The following TXNRD1 variants were observed in gnomAD, a reference collection of about 807,000 sequenced individuals.
TXNRD1 encodes thioredoxin reductase 1, cytoplasmic.
A neutral mutation model predicts 80.3 loss-of-function variants in TXNRD1; 57 were observed. That is an observed-to-expected ratio of 0.71 (90% CI 0.57 to 0.89). The LOEUF is 0.89. Among genes scored for constraint, TXNRD1 ranks in the 40% least tolerant of loss-of-function variants. TXNRD1 has a pLI of 0.00. For missense variants in TXNRD1, 730 were observed against 803.0 expected, an observed-to-expected ratio of 0.91 and a Z score of 1.10; for synonymous variants, 291 against 285.2, an observed-to-expected ratio of 1.02 and a Z score of -0.20.
intron 3 of TXNRD1, chr12:104,265,958 A>T: frequency 1.7e-6 from 1 of 573,228 alleles, no homozygotes; most frequent in Non-Finnish European, 2.9e-6. Context: ...AAAATCTTAA[A>T]AAAAAAAAAA....
intron 1 of TXNRD1, among the ~76,000 whole-genome samples, chr12:104,242,287 C>T (rs1452385388): frequency 1.3e-5 from 2 of 151,432 alleles, no homozygotes; most frequent in Admixed American, 6.6e-5. Flanking sequence ...CGGCGGCTCA[C>T]GCCTGTAATC....
At chr12:104,246,526 GTTTT>G (rs66611871) in intron 1 of TXNRD1, among the ~76,000 whole-genome samples, 1 of 133,088 alleles carries the variant, frequency 7.5e-6, no homozygotes, top group Non-Finnish European at 1.6e-5. Flanking sequence ...CTTTGTGATG[GTTTT>G]TTTTTTTTTT....
At chr12:104,257,877 T>C in intron 2 of TXNRD1, 142 bp from the exon 3 acceptor site, 1 of 646,522 alleles carries the variant, frequency 1.5e-6, no homozygotes, top group Admixed American at 3.2e-5. Flanking sequence ...GGGAGAATCT[T>C]ATGGGTTACA....
intron 4 of TXNRD1, among the ~76,000 whole-genome samples, chr12:104,301,849 C>G (rs2034638390): frequency 6.6e-6 from 1 of 152,156 alleles, no homozygotes; most frequent in Non-Finnish European, 1.5e-5. Flanking sequence ...TTTCATTTTT[C>G]CTTTATTTTA....
chr12:104,307,073 T>C (rs1268157665), intron 4 of TXNRD1, among the ~76,000 whole-genome samples: 1 of 152,186 alleles, frequency 6.6e-6, no homozygotes, highest in Non-Finnish European at 1.5e-5. Context: ...CACTTCTGTT[T>C]CTATTTTTAC....
chr12:104,317,314 C>T (rs1448974587), intron 7 of TXNRD1, among the ~76,000 whole-genome samples: 1 of 151,496 alleles, frequency 6.6e-6, no homozygotes, highest in Non-Finnish European at 1.5e-5. Flanking sequence ...CTTCCCTACC[C>T]ACAAGCTACC....
intron 3 of TXNRD1, chr12:104,285,875 T>A (rs983808774): frequency 2.6e-5 from 4 of 152,232 alleles, no homozygotes; most frequent in African/African-American, 7.2e-5. Context: ...ATCCATTCTC[T>A]GTTCTAGGGA....
At chr12:104,303,635 T>A in intron 4 of TXNRD1, 1 of 394,002 alleles carries the variant, frequency 2.5e-6, no homozygotes, top group South Asian at 3.8e-5. Flanking sequence ...CGCGCTGGTC[T>A]ATGAGCGAGC....
intron 4 of TXNRD1, chr12:104,310,009 C>T (rs1348602276): frequency 1.3e-6 from 2 of 1,536,246 alleles, no homozygotes; most frequent in East Asian, 2.4e-5. Flanking sequence ...CTTCCACATC[C>T]CAAGAACCTT....
chr12:104,332,047 A>C (rs1405365440), intron 14 of TXNRD1, among the ~76,000 whole-genome samples: 1 of 152,136 alleles, frequency 6.6e-6, no homozygotes, highest in Non-Finnish European at 1.5e-5. Context: ...TACTTTTTAA[A>C]ATCACATTTA....
At chr12:104,290,655 C>A (rs984685392) in intron 4 of TXNRD1, among the ~76,000 whole-genome samples, 5 of 141,874 alleles carry the variant, frequency 3.5e-5, no homozygotes, top group Non-Finnish European at 6.1e-5. Flanking sequence ...GCTGAGATTG[C>A]GCCACTGCAC....
Position 104,349,111 on chromosome 12 carries a change from AG to A in TXNRD1, c.*692del, listed in dbSNP as rs1330912738. On this transcript the variant is annotated 3_prime_UTR_variant, in exon 17 of 17. Coordinates refer to ENST00000525566, the MANE Select transcript of TXNRD1 (RefSeq NM_001093771.3). Reference sequence around the variant, plus strand: ...ATGATTATTATTTTAAGGTCTGTTTAGGAAGGGAAATGGCTACTTGGCCAGC... The same window carrying A: ...ATGATTATTATTTTAAGGTCTGTTTAGAAGGGAAATGGCTACTTGGCCAGC... 6.6e-6 allele frequency: 1 copy of A among 152,256 alleles called. No homozygotes were observed. The highest frequency in any genetic ancestry group is 2.4e-5 in the African/African-American group (1 of 41,452). 9.4% of individuals were successfully genotyped at this position (152,256 alleles called of 1,614,324 possible).
intron 1 of TXNRD1, among the ~76,000 whole-genome samples, chr12:104,228,301 C>CAA (rs11349965): frequency 0.031 from 3,651 of 116,282 alleles, 77 homozygotes; most frequent in Non-Finnish European, 0.044. Flanking sequence ...AACTCCATCT[C>CAA]AAAAAAAAAA....
intron 4 of TXNRD1, among the ~76,000 whole-genome samples, chr12:104,297,620 C>T (rs1024350792): frequency 1.3e-5 from 2 of 152,092 alleles, no homozygotes; most frequent in African/African-American, 4.8e-5. Flanking sequence ...CTGCGTCAGC[C>T]TCCAAAAGTG....
At chr12:104,315,114 T>C (rs536111555) in intron 6 of TXNRD1, among the ~76,000 whole-genome samples, 1 of 152,314 alleles carries the variant, frequency 6.6e-6, no homozygotes, top group African/African-American at 2.4e-5. Context: ...GCAACCCCTT[T>C]ATCAGTTACC....
intron 16 of TXNRD1, chr12:104,346,214 T>C (rs1273229912): frequency 4.1e-6 from 1 of 246,136 alleles, no homozygotes; most frequent in Non-Finnish European, 8.3e-6. Flanking sequence ...GGTCGCATTA[T>C]GTTGCCCAGG....
chr12:104,271,176 GTTCT>G (rs1230019655), intron 3 of TXNRD1, among the ~76,000 whole-genome samples: 2 of 134,038 alleles, frequency 1.5e-5, no homozygotes, highest in Non-Finnish European at 1.5e-5. Flanking sequence ...ATTATCATTA[GTTCT>G]TTCTTTTTTT....
chr12:104,323,947 G>A (rs2035658914), intron 10 of TXNRD1, among the ~76,000 whole-genome samples: 1 of 152,188 alleles, frequency 6.6e-6, no homozygotes, highest in South Asian at 2.1e-4. Flanking sequence ...CCACAGCTGG[G>A]TATTAAACTC....
chr12:104,268,991 G>C (rs1408994221), intron 3 of TXNRD1, among the ~76,000 whole-genome samples: 1 of 142,352 alleles, frequency 7.0e-6, no homozygotes, highest in Non-Finnish European at 1.5e-5. Flanking sequence ...TGCAACCTCT[G>C]CCTCTCGGGT....
Sources: allele counts gnomAD v4.1 joint callset (sites outside exome capture counted in the v4.1 genomes callset), GRCh38; gene constraint gnomAD v4.1.1; transcripts MANE v1.5; gene names NCBI Gene and HGNC (gene_info 2026-07-23, HGNC 2026-07-21).